Variants in PCDHGB4 observed in about 807,000 individuals in gnomAD.
PCDHGB4 encodes the protein protocadherin gamma subfamily B, 4.
Under a neutral mutation model 60.5 loss-of-function variants are expected in PCDHGB4, and 38 were observed. That is an observed-to-expected ratio of 0.63 (90% CI 0.48 to 0.82). The LOEUF is 0.82. Among genes scored for constraint, PCDHGB4 ranks in the 40% least tolerant of loss-of-function variants. The probability of loss-of-function intolerance (pLI) is 0.00; values close to 1 mark genes in which losing one functional copy is unlikely to be tolerated. For synonymous variants in PCDHGB4, 456 were observed against 509.7 expected, an observed-to-expected ratio of 0.89 and a Z score of 1.42; for missense variants, 1,109 against 1,209.6, an observed-to-expected ratio of 0.92 and a Z score of 1.23.
At chr5:141,461,951 G>C (rs1419637040) in intron 1 of PCDHGB4, among the ~76,000 whole-genome samples, 1 of 152,186 alleles carries the variant, frequency 6.6e-6, no homozygotes, top group African/African-American at 2.4e-5. Context: ...AACCTCCTGA[G>C]TAGCTGGGAT....
At chr5:141,433,560 G>A (rs1276743163) in intron 1 of PCDHGB4, among the ~76,000 whole-genome samples, 1 of 152,110 alleles carries the variant, frequency 6.6e-6, no homozygotes, top group East Asian at 1.9e-4. Flanking sequence ...TTCTGGCTGG[G>A]CGCGGTGGCT....
chr5:141,437,782 A>C (rs1410096491), intron 1 of PCDHGB4, among the ~76,000 whole-genome samples: 1 of 151,512 alleles, frequency 6.6e-6, no homozygotes, highest in African/African-American at 2.4e-5. Context: ...TCTGTCGCCA[A>C]GCTGGAGTGC....
chr5:141,472,980 C>CAAAAAAAAAAAAAAAAAAAAA (rs60579131), intron 1 of PCDHGB4, among the ~76,000 whole-genome samples: 3 of 86,094 alleles, frequency 3.5e-5, no homozygotes, highest in Non-Finnish European at 5.0e-5. Context: ...GAGTGAAACT[C>CAAAAAAAAAAAAAAAAAAAAA]AAAAAAAAAA....
intron 1 of PCDHGB4, chr5:141,430,826 C>A: frequency 6.4e-7 from 1 of 1,550,416 alleles, no homozygotes; most frequent in Non-Finnish European, 8.7e-7. Flanking sequence ...CCTGGGGACT[C>A]TGTGGGAGAC....
rs376734880 is a variant in PCDHGB4 at position 141,400,487 on chromosome 5, T to C, written c.2397+10206T>C. On this transcript the variant is annotated intron_variant, in intron 1 of 3. Coordinates refer to ENST00000519479, the MANE Select transcript of PCDHGB4 (RefSeq NM_003736.4). Reference sequence around the variant, plus strand: ...GATTCATCTGGGGCCTTATTTCCACTTTGTAATTCCAGCGAGTCGACTTCC... The same window carrying C: ...GATTCATCTGGGGCCTTATTTCCACCTTGTAATTCCAGCGAGTCGACTTCC... 4.8e-5 allele frequency: 78 copies of C among 1,613,958 alleles called. No individual in the cohort carries two copies. Among genetic ancestry groups the C allele is most frequent in the Non-Finnish European group, 6.6e-5 (78 of 1,179,896 alleles).
chr5:141,447,709 T>C (rs896203283), intron 1 of PCDHGB4, among the ~76,000 whole-genome samples: 1 of 152,210 alleles, frequency 6.6e-6, no homozygotes, highest in East Asian at 1.9e-4. Context: ...TATAAGGATG[T>C]ACACATTTTC....
Position 141,477,426 on chromosome 5 carries a change from T to G in PCDHGB4, c.2398-17381T>G. 1 of 1,614,100 alleles carries G rather than the reference T, an allele frequency of 6.2e-7. No individual in the cohort carries two copies. Among genetic ancestry groups the G allele is most frequent in the East Asian group, 2.2e-5 (1 of 44,874 alleles). The stretch of plus-strand genomic sequence containing the variant: ...GCCCGAGACGCCGGAACCCCTTCCC[T>G]CTCAGCCCTTACAATAGTGCGTGTT... On this transcript the variant is annotated intron_variant, in intron 1 of 3. Coordinates refer to ENST00000519479, the MANE Select transcript of PCDHGB4 (RefSeq NM_003736.4). The surrounding 1 kb of genome is among the most constrained non-coding windows in gnomAD (Gnocchi z 4.9).
At chr5:141,478,174 GA>G (rs1156842877) in intron 1 of PCDHGB4, 1 of 1,613,574 alleles carries the variant, frequency 6.2e-7, no homozygotes, top group East Asian at 2.2e-5. Context: ...CCCGGGAGCA[GA>G]AAAAAAATCT....
chr5:141,482,503 C>A (rs375429072), intron 1 of PCDHGB4, among the ~76,000 whole-genome samples: 2 of 136,154 alleles, frequency 1.5e-5, no homozygotes, highest in South Asian at 4.4e-4. Context: ...CATTCTGGTA[C>A]CCAGAGTACA....
chr5:141,397,205 AAG>A (rs896486095), intron 1 of PCDHGB4, among the ~76,000 whole-genome samples: 76 of 152,336 alleles, frequency 5.0e-4, no homozygotes, highest in African/African-American at 1.8e-3. Context: ...GATATGACAT[AAG>A]AGAAGTATTT....
intron 1 of PCDHGB4, chr5:141,409,550 C>T (rs764101999): frequency 1.9e-6 from 3 of 1,613,992 alleles, no homozygotes; most frequent in African/African-American, 2.7e-5. Context: ...CGACAACGCC[C>T]CAGTTTTCGA....
At position 141,399,350 on chromosome 5, in the gene PCDHGB4, G is replaced by A. The variant is rs746925566; in HGVS notation, c.2397+9069G>A. On this transcript the variant is annotated intron_variant, in intron 1 of 3. Transcript: ENST00000519479. ...TTGGTAACAGATGGAACCCTAGACC[G>A]AGAGCAAACCCCGGAGTACAATGTC... is the stretch of plus-strand genomic sequence containing the variant. The A allele has an allele frequency of 6.8e-6, 11 of 1,613,966 alleles. No individual in the cohort carries two copies. The South Asian group carries it at 1.1e-4, about 16-fold the overall frequency.
rs1216840918 is a variant in PCDHGB4, at chr5:141,476,285, G to C, written c.2398-18522G>C. The C allele has an allele frequency of 1.2e-6, 2 of 1,614,036 alleles. No individual in the cohort carries two copies. The highest frequency in any genetic ancestry group is 1.7e-6 in the Non-Finnish European group (2 of 1,180,032). ...CAACGTGGTCGCGAACCTTGGTTTG[G>C]ATCTCGGTAGCCTCTCAGCCCGCAG... On this transcript the variant is annotated intron_variant, in intron 1 of 3. Coordinates refer to ENST00000519479, the MANE Select transcript of PCDHGB4 (RefSeq NM_003736.4). This position sits in a 1 kb window ranked among gnomAD's most constrained non-coding sequence, Gnocchi z 7.6.
intron 1 of PCDHGB4, 141 bp downstream of exon 1, chr5:141,390,422 G>A: frequency 9.3e-7 from 1 of 1,071,928 alleles, no homozygotes; most frequent in South Asian, 1.6e-5. Flanking sequence ...CAGTTAAAAA[G>A]CTGTCATATC....
chr5:141,511,084 C>G lies in PCDHGB4; in HGVS notation c.2683C>G (p.Leu895Val). 1 of 1,614,236 alleles carries G rather than the reference C, an allele frequency of 6.2e-7. No homozygotes were observed. Among genetic ancestry groups the G allele is most frequent in the Non-Finnish European group, 8.5e-7 (1 of 1,180,030 alleles). The change falls in exon 4 of 4, where the codon CTG becomes GTG. Residue 895 changes from leucine (L) to valine (V), a missense_variant. Leu to Val is a conservative substitution (Grantham distance 32). Around this residue, in one of 2 missense-constraint regions of PCDHGB4, gnomAD observed 1,068 missense variants for 1,089.9 expected, o/e 0.98. Coordinates refer to ENST00000519479, the MANE Select transcript of PCDHGB4 (RefSeq NM_003736.4). Reference sequence around the variant, plus strand: ...CTACATCCCAGGCAGCAATGCCACACTGACCAACGCAGCTGGCAAGCGGGA... The same window carrying G: ...CTACATCCCAGGCAGCAATGCCACAGTGACCAACGCAGCTGGCAAGCGGGA... ...NVYIPGSNAT[L>V]TNAAGKRDGK...
Position 141,477,209 on chromosome 5 carries a change from GC to G in PCDHGB4, c.2398-17594del. On this transcript the variant is annotated intron_variant, in intron 1 of 3. Transcript: ENST00000519479. The surrounding 1 kb of genome is among the most constrained non-coding windows in gnomAD (Gnocchi z 4.9). Reference sequence around the variant, plus strand: ...CGTGTACAGCCCAGTACCCGAGGATGCCCCTCTGGGGACTGTCATCGCTTTG... The same window carrying G: ...CGTGTACAGCCCAGTACCCGAGGATGCCCTCTGGGGACTGTCATCGCTTTG... The G allele has an allele frequency of 6.2e-7, 1 of 1,614,194 alleles. No homozygotes were observed. Among genetic ancestry groups the G allele is most frequent in the Non-Finnish European group, 8.5e-7 (1 of 1,180,038 alleles).
intron 2 of PCDHGB4, 62 bp downstream of exon 2, chr5:141,494,927 G>C: frequency 6.2e-7 from 1 of 1,613,516 alleles, no homozygotes; most frequent in Non-Finnish European, 8.5e-7. Context: ...GATGACGTGG[G>C]AGGAGATGGG....
Position 141,491,208 on chromosome 5 carries a change from C to A in PCDHGB4, c.2398-3599C>A. ...TGAGGGACAATGGTGACCCTTCACT[C>A]TCCTCCACAGCCACAGTGCTGCTGG... On this transcript the variant is annotated intron_variant, in intron 1 of 3. Coordinates refer to ENST00000519479, the MANE Select transcript of PCDHGB4 (RefSeq NM_003736.4). The surrounding 1 kb of genome is among the most constrained non-coding windows in gnomAD (Gnocchi z 6.9). The A allele has an allele frequency of 6.2e-7, 1 of 1,614,204 alleles. No homozygotes were observed. Among genetic ancestry groups the A allele is most frequent in the African/African-American group, 1.3e-5 (1 of 75,058 alleles).
chr5:141,477,296 G>C lies in PCDHGB4; in HGVS notation c.2398-17511G>C. On this transcript the variant is annotated intron_variant, in intron 1 of 3. Transcript: ENST00000519479. This position sits in a 1 kb window ranked among gnomAD's most constrained non-coding sequence, Gnocchi z 4.9. ...GCTGGTGACCTGCGAAGTTCCACCG[G>C]GTCTCCCTTTCAGCCTTACTTCTTC... 3 of 1,614,064 alleles carry C rather than the reference G, an allele frequency of 1.9e-6. No individual in the cohort carries two copies. Among genetic ancestry groups the C allele is most frequent in the African/African-American group, 1.3e-5 (1 of 75,014 alleles).
Sources: gnomAD v4.1 joint callset for allele counts (sites outside exome capture counted in the v4.1 genomes callset) on GRCh38, gnomAD v4.1.1 for gene constraint, gnomAD v4.1.1 regional missense constraint, Gnocchi (gnomAD v3.1) non-coding constraint, MANE v1.5 for transcripts, NCBI Gene and HGNC (gene_info 2026-07-23, HGNC 2026-07-21) for gene names.